The following ERCC6L2 variants were observed in gnomAD, a reference collection of about 807,000 sequenced individuals.
ERCC6L2 encodes the protein DNA excision repair protein ERCC-6-like 2.
A neutral mutation model predicts 132.0 loss-of-function variants in ERCC6L2; 77 were observed. The ratio of observed to expected loss-of-function variants is 0.58; its 90% confidence interval spans 0.49 to 0.71. The LOEUF is 0.71. Ranked by LOEUF, ERCC6L2 falls within the 30% of genes least tolerant of loss-of-function variation. The pLI is 0.00. For synonymous variants in ERCC6L2, 583 were observed against 632.4 expected (o/e 0.92, Z 1.17); for missense variants, 1,542 against 1,837.6 (o/e 0.84, Z 2.94).
At chr9:95,985,936 TAGAC>T (rs747820201) in intron 17 of ERCC6L2, among the ~76,000 whole-genome samples, 3 of 152,242 alleles carry the variant, frequency 2.0e-5, no homozygotes, top group Non-Finnish European at 2.9e-5. Flanking sequence ...AGGCTCTTCT[TAGAC>T]AGCCTTCAGT....
intron 17 of ERCC6L2, among the ~76,000 whole-genome samples, chr9:96,003,217 G>A (rs1348212626): frequency 6.6e-6 from 1 of 152,040 alleles, no homozygotes; most frequent in Admixed American, 6.6e-5. Flanking sequence ...GGTTTTATAT[G>A]CTCTTCATAA....
intron 19 of ERCC6L2, among the ~76,000 whole-genome samples, chr9:96,032,391 C>G (rs1049765107): frequency 6.6e-6 from 1 of 152,236 alleles, no homozygotes; most frequent in East Asian, 1.9e-4. Flanking sequence ...CTCCTTGCGC[C>G]TCACCGTCTG....
intron 11 of ERCC6L2, among the ~76,000 whole-genome samples, chr9:95,934,356 A>G (rs1401993769): frequency 6.6e-6 from 1 of 152,064 alleles, no homozygotes; most frequent in East Asian, 1.9e-4. Context: ...TACAAACATT[A>G]TATACATTCA....
chr9:95,990,433 G>A (rs1005039295), intron 17 of ERCC6L2, among the ~76,000 whole-genome samples: 12 of 152,174 alleles, frequency 7.9e-5, no homozygotes, highest in African/African-American at 1.2e-4. Context: ...CGGAGGGGGG[G>A]TCCATCTTTT....
chr9:95,927,153 G>A (rs886996915), intron 9 of ERCC6L2, among the ~76,000 whole-genome samples: 36 of 151,970 alleles, frequency 2.4e-4, no homozygotes, highest in African/African-American at 8.5e-4. Context: ...AATAAATTTG[G>A]TTATCTGAGT....
chr9:95,898,751 AAC>A lies in ERCC6L2; in HGVS notation c.594+782_594+783del, dbSNP rs1265095699. ...ATGAGCTACTTACAGCAAGTTTTAA[AAC>A]AGACTCTTTTATACAAGTCTTATGT... is the stretch of plus-strand genomic sequence containing the variant. On this transcript the variant is annotated intron_variant, in intron 3 of 18. Transcript: ENST00000653738. Among the ~76,000 whole-genome samples the A allele has an allele frequency of 3.3e-5, 5 of 152,302 alleles. No homozygotes were observed. The East Asian group carries it at 9.6e-4, about 29-fold the overall frequency.
chr9:96,022,755 AATGG>A (rs1027948862), downstream of ERCC6L2, among the ~76,000 whole-genome samples: 12 of 152,088 alleles, frequency 7.9e-5, no homozygotes, highest in African/African-American at 2.9e-4. Context: ...ACCTGCCTTT[AATGG>A]ATGGGTGGTC....
chr9:95,922,199 C>T, intron 7 of ERCC6L2, 106 bp from the exon 8 acceptor site: 1 of 531,834 alleles, frequency 1.9e-6, no homozygotes, highest in Non-Finnish European at 3.3e-6. Flanking sequence ...TTTATTGTGC[C>T]AAAGTAACCC....
intron 2 of ERCC6L2, among the ~76,000 whole-genome samples, chr9:95,896,546 C>G (rs767055625): frequency 4.6e-5 from 7 of 151,832 alleles, no homozygotes; most frequent in African/African-American, 1.7e-4. Context: ...TTCAGCTTTC[C>G]AGGTAGCTAG....
At chr9:95,896,337 T>G (rs1465647044) in intron 2 of ERCC6L2, among the ~76,000 whole-genome samples, 1 of 152,114 alleles carries the variant, frequency 6.6e-6, no homozygotes, top group Non-Finnish European at 1.5e-5. Context: ...TATAGTATCT[T>G]CCATTCTTTT....
intron 13 of ERCC6L2, among the ~76,000 whole-genome samples, chr9:95,966,293 T>G (rs1163068937): frequency 6.6e-6 from 1 of 152,154 alleles, no homozygotes; most frequent in Non-Finnish European, 1.5e-5. Context: ...TTATGTCAGG[T>G]GGATATTCTA....
chr9:95,943,686 A>G lies in ERCC6L2; in HGVS notation c.1847+2137A>G, dbSNP rs1288043439. ...ACAAAAAACACAACCCAATCTAACAATGCATAGGACATTTCTCCAAAGAAG... is the reference window on the plus strand; with the variant it reads ...ACAAAAAACACAACCCAATCTAACAGTGCATAGGACATTTCTCCAAAGAAG... On this transcript the variant is annotated intron_variant, in intron 12 of 18. Transcript: ENST00000653738. Among the ~76,000 whole-genome samples the G allele has an allele frequency of 4.6e-5, 7 of 152,188 alleles. 1 individual carries two copies. The highest frequency in any genetic ancestry group is 1.3e-4 in the Admixed American group (2 of 15,276).
At chr9:95,888,859 C>T (rs187106684) in intron 2 of ERCC6L2, among the ~76,000 whole-genome samples, 48 of 152,272 alleles carry the variant, frequency 3.2e-4, no homozygotes, top group African/African-American at 1.1e-3. Context: ...TGACACTTTG[C>T]TGCTAGCATT....
chr9:95,922,162 C>A, intron 7 of ERCC6L2, 143 bp from the exon 8 acceptor site: 3 of 512,874 alleles, frequency 5.8e-6, no homozygotes, highest in Admixed American at 3.7e-5. Flanking sequence ...ATATTTTGTG[C>A]AATAGTTGAC....
At chr9:95,978,620 A>G (rs1266798162) in intron 17 of ERCC6L2, among the ~76,000 whole-genome samples, 1 of 152,238 alleles carries the variant, frequency 6.6e-6, no homozygotes, top group African/African-American at 2.4e-5. Flanking sequence ...CTCATTTCAT[A>G]TAGAATTTAT....
chr9:95,987,443 A>G (rs1465872609), intron 17 of ERCC6L2, among the ~76,000 whole-genome samples: 1 of 152,216 alleles, frequency 6.6e-6, no homozygotes, highest in Admixed American at 6.5e-5. Context: ...GGCCAAAATG[A>G]AGGTGCTAAA....
chr9:95,972,405 A>C lies in ERCC6L2; in HGVS notation c.2654A>C (p.Asn885Thr), dbSNP rs1206810260. Residue 885 changes from asparagine to threonine, a missense_variant, in exon 16 of 19, where the codon AAT becomes ACT. This residue lies in a region of ERCC6L2 where 945 missense variants were observed against 1,105.2 expected (regional missense o/e 0.86). Transcript: ENST00000653738. The part of the protein sequence containing the change: ...SSKSDEKKIK[N>T]TDKHCILQNV... ...AAGTCTGACGAGAAAAAAATTAAAA[A>C]TACAGATAAACATTGCATTTTACAG... 1 of 1,274,060 alleles carries C rather than the reference A, an allele frequency of 7.8e-7. No homozygotes were observed. The highest frequency in any genetic ancestry group is 1.0e-6 in the Non-Finnish European group (1 of 984,122). The allele number at this position is 1,274,060 out of a possible 1,614,324, so 78.9% of individuals were successfully genotyped here. A position where few individuals can be genotyped will look rare whatever the true frequency, so the allele number is the denominator to read the frequency against.
downstream of ERCC6L2, among the ~76,000 whole-genome samples, chr9:96,018,513 T>C (rs564999249): frequency 9.9e-5 from 15 of 152,064 alleles, no homozygotes; most frequent in Admixed American, 2.0e-4. Context: ...TAGGTTGGAG[T>C]GCAATGGCGC....
intron 9 of ERCC6L2, among the ~76,000 whole-genome samples, chr9:95,924,914 T>C (rs1012446048): frequency 6.6e-6 from 1 of 152,150 alleles, no homozygotes; most frequent in African/African-American, 2.4e-5. Flanking sequence ...AGTAATAAGC[T>C]AGGGATATAT....
Sources: allele counts gnomAD v4.1 joint callset (sites outside exome capture counted in the v4.1 genomes callset), GRCh38; gene constraint gnomAD v4.1.1; regional missense constraint gnomAD v4.1.1; transcripts MANE v1.5; gene names NCBI Gene and HGNC (gene_info 2026-07-23, HGNC 2026-07-21).